INSC: variants seen among roughly 807,000 people sequenced by gnomAD.
INSC encodes protein inscuteable homolog.
Under a neutral mutation model 58.6 loss-of-function variants are expected in INSC, and 67 were observed. The ratio of observed to expected loss-of-function variants is 1.14; its 90% CI spans 0.94 to 1.40. INSC has a LOEUF of 1.40. INSC is among the 40% of genes most tolerant of loss of function. The pLI, the probability that INSC is intolerant of heterozygous loss-of-function variation, is 0.00. For synonymous variants in INSC, 262 were observed against 276.1 expected (o/e 0.95, Z 0.51); for missense variants, 714 against 692.0 (o/e 1.03, Z -0.36).
intron 1 of INSC, among the ~76,000 whole-genome samples, chr11:15,132,744 GT>G (rs1848153022): frequency 6.6e-6 from 1 of 152,050 alleles, no homozygotes; most frequent in Non-Finnish European, 1.5e-5. Flanking sequence ...GGGATTTTTG[GT>G]TGTCTGAGAA....
At chr11:15,189,367 GTTTATTTATTTATTTATTTATTTA>G (rs146274786) in intron 5 of INSC, among the ~76,000 whole-genome samples, 108,550 of 150,092 alleles carry the variant, frequency 0.72, 40,211 homozygotes, top group East Asian at 0.98. Flanking sequence ...ACACCATTTT[GTTTATTTATTTATTTATTTATTTA>G]TTTATTTATT....
chr11:15,175,487 C>T (rs1849539485), intron 2 of INSC, among the ~76,000 whole-genome samples: 2 of 152,166 alleles, frequency 1.3e-5, no homozygotes, highest in Admixed American at 1.3e-4. Flanking sequence ...TTGTAAAGAT[C>T]ATTGGCTACT....
chr11:15,177,690 G>A (rs898115479), intron 4 of INSC, among the ~76,000 whole-genome samples: 2 of 152,188 alleles, frequency 1.3e-5, no homozygotes, highest in African/African-American at 4.8e-5. Flanking sequence ...AGCCTCACAT[G>A]TATACACACC....
intron 1 of INSC, 74 bp from the exon 2 acceptor site, chr11:15,149,056 C>T (rs1848565511): frequency 6.8e-7 from 1 of 1,460,006 alleles, no homozygotes; most frequent in Non-Finnish European, 9.1e-7. Context: ...TCCTTGTGGC[C>T]TGGGACTGGG....
At chr11:15,180,692 G>T (rs1849741946) in intron 5 of INSC, among the ~76,000 whole-genome samples, 1 of 91,172 alleles carries the variant, frequency 1.1e-5, no homozygotes, top group African/African-American at 4.6e-5. Context: ...TGAGGGGGGG[G>T]GCGGGGGGGG....
intron 9 of INSC, among the ~76,000 whole-genome samples, chr11:15,228,536 T>C (rs1318961733): frequency 6.6e-6 from 1 of 152,202 alleles, no homozygotes; most frequent in Non-Finnish European, 1.5e-5. Context: ...AAGAAACAAA[T>C]GGCTCTTTCC....
At chr11:15,141,966 C>T (rs887197766) in intron 1 of INSC, among the ~76,000 whole-genome samples, 2 of 152,176 alleles carry the variant, frequency 1.3e-5, no homozygotes, top group Non-Finnish European at 2.9e-5. Context: ...TTTCACTCCC[C>T]TGCTCAAACA....
the INSC span, among the ~76,000 whole-genome samples, chr11:15,260,284 G>T: frequency 6.6e-6 from 1 of 152,070 alleles, no homozygotes; most frequent in Non-Finnish European, 1.5e-5. Context: ...CATTTATTGT[G>T]CTATTGACTG....
At chr11:15,144,918 G>A (rs1162432262) in intron 1 of INSC, among the ~76,000 whole-genome samples, 1 of 152,184 alleles carries the variant, frequency 6.6e-6, no homozygotes, top group Non-Finnish European at 1.5e-5. Flanking sequence ...TTGTAAACTA[G>A]TCACTTCTGG....
At chr11:15,229,958 ATTTATATAT>A (rs1319268654) in intron 9 of INSC, among the ~76,000 whole-genome samples, 37 of 32,170 alleles carry the variant, frequency 1.2e-3, no homozygotes, top group Admixed American at 2.9e-3. Context: ...TTATATATAT[ATTTATATAT>A]ATATATATAT....
At chr11:15,218,496 G>A (rs1851307383) in intron 7 of INSC, among the ~76,000 whole-genome samples, 1 of 151,924 alleles carries the variant, frequency 6.6e-6, no homozygotes, top group African/African-American at 2.4e-5. Flanking sequence ...TTGGATATTA[G>A]GCATATACAT....
At chr11:15,230,606 G>A (rs1455156268) in intron 9 of INSC, among the ~76,000 whole-genome samples, 2 of 152,230 alleles carry the variant, frequency 1.3e-5, no homozygotes, top group Non-Finnish European at 2.9e-5. Context: ...ATATTGTGTA[G>A]TATTGGAGGA....
intron 8 of INSC, among the ~76,000 whole-genome samples, chr11:15,223,167 G>A (rs1481747109): frequency 6.6e-6 from 1 of 152,204 alleles, no homozygotes. Context: ...GAAAGGCATA[G>A]ACTTTTAAAG....
rs1193316314 is a variant in INSC at position 15,172,152 on chromosome 11, A to C, written c.57-3589A>C. Among the ~76,000 whole-genome samples, 3 of 152,230 alleles carry C rather than the reference A, an allele frequency of 2.0e-5. No homozygotes were observed. The East Asian group carries it at 5.8e-4, about 29-fold the overall frequency. On this transcript the variant is annotated intron_variant, in intron 2 of 12. Transcript: ENST00000379556. ...ATAATGTAACAGATGTCCACTGCAA[A>C]GTGCTTATGCAGTGAATGAGTCAGT... is the stretch of plus-strand genomic sequence containing the variant.
chr11:15,141,640 G>T (rs7121134), intron 1 of INSC, among the ~76,000 whole-genome samples: 5,386 of 152,182 alleles, frequency 0.035, 171 homozygotes, highest in African/African-American at 0.082. Context: ...TGGGAACGAG[G>T]GGTGTTAAAG....
At chr11:15,142,561 G>T (rs1214544335) in intron 1 of INSC, among the ~76,000 whole-genome samples, 1 of 152,190 alleles carries the variant, frequency 6.6e-6, no homozygotes, top group Non-Finnish European at 1.5e-5. Context: ...AAGCTTGTTT[G>T]TCCCGCTTCG....
At chr11:15,233,986 T>C (rs959168191) in intron 9 of INSC, among the ~76,000 whole-genome samples, 36 of 152,174 alleles carry the variant, frequency 2.4e-4, no homozygotes, top group Non-Finnish European at 8.8e-5. Context: ...CTCTAACTCC[T>C]TCCACTGAGC....
chr11:15,122,415 C>T (rs546398777), intron 1 of INSC, among the ~76,000 whole-genome samples: 45 of 152,238 alleles, frequency 3.0e-4, no homozygotes, highest in African/African-American at 9.6e-4. Context: ...ACACAGTGAC[C>T]GGTGAATGCA....
intron 5 of INSC, chr11:15,184,459 A>ATG: frequency 5.7e-6 from 1 of 174,862 alleles, no homozygotes; most frequent in Non-Finnish European, 1.2e-5. Flanking sequence ...GCAGTGGTGC[A>ATG]ATCTCGGCTC....
Sources: allele counts gnomAD v4.1 joint callset (sites outside exome capture counted in the v4.1 genomes callset), GRCh38; gene constraint gnomAD v4.1.1; transcripts MANE v1.5; gene names NCBI Gene and HGNC (gene_info 2026-07-23, HGNC 2026-07-21).